The following UTRN variants were observed in gnomAD, a reference collection of about 807,000 sequenced individuals.
UTRN encodes the protein dystrophin-related protein 1.
UTRN carries 283 observed loss-of-function variants against 463.9 expected under a neutral mutation model. The observed-to-expected ratio is 0.61, with a 90% CI of 0.55 to 0.67. UTRN has a LOEUF of 0.67. Among genes scored for constraint, UTRN ranks in the 30% least tolerant of loss-of-function variants. The pLI, the probability that UTRN is intolerant of heterozygous loss-of-function variation, is 0.00. For synonymous variants in UTRN, 1,442 were observed against 1,431.5 expected (o/e 1.01, Z -0.17); for missense variants, 3,922 against 4,084.3 (o/e 0.96, Z 1.08).
Position 144,850,988 on chromosome 6 carries a change from G to A in UTRN, c.10294-1G>A, listed in dbSNP as rs1294731898. On this transcript the variant is annotated splice_acceptor_variant, in intron 74 of 74. Transcript: ENST00000367545. LOFTEE classifies it high-confidence loss of function. ...GACAGTGCTATTTTCCCTTCCCATA[G>A]GCAATGTGAAGTATTCATCCGGCCA... The A allele has an allele frequency of 6.2e-7, 1 of 1,613,498 alleles. No homozygotes were observed. Among genetic ancestry groups the A allele is most frequent in the Non-Finnish European group, 8.5e-7 (1 of 1,179,622 alleles).
rs1783062266 is a variant in UTRN at position 144,403,034 on chromosome 6, T to C, written c.80-89T>C. On this transcript the variant is annotated intron_variant, in intron 2 of 74. Coordinates refer to ENST00000367545, the MANE Select transcript of UTRN (RefSeq NM_007124.3). ...CTCGACTAATAGGACTATTTTAAAC[T>C]CTCCAGGATAGAGATAACCTTATTT... 5 of 1,209,312 alleles carry C rather than the reference T, an allele frequency of 4.1e-6. No individual in the cohort carries two copies. The Admixed American group carries it at 5.9e-5, about 14-fold the overall frequency. 74.9% of individuals were successfully genotyped at this position (1,209,312 alleles called of 1,614,324 possible).
At chr6:144,850,671 G>A (rs891799760) in intron 74 of UTRN, among the ~76,000 whole-genome samples, 11 of 152,074 alleles carry the variant, frequency 7.2e-5, no homozygotes, top group African/African-American at 2.2e-4. Flanking sequence ...AGGAAGACAT[G>A]GGATATTTTC....
At chr6:144,368,684 G>T (rs1239305401) in intron 2 of UTRN, among the ~76,000 whole-genome samples, 3 of 152,062 alleles carry the variant, frequency 2.0e-5, no homozygotes, top group Non-Finnish European at 4.4e-5. Flanking sequence ...TGAGGCAGGA[G>T]AGTCGCTTGA....
At chr6:144,410,291 C>T (rs1022463957) in intron 3 of UTRN, among the ~76,000 whole-genome samples, 5 of 152,192 alleles carry the variant, frequency 3.3e-5, no homozygotes, top group Non-Finnish European at 5.9e-5. Context: ...GAAGGACTGC[C>T]TTCTTCAAAC....
At chr6:144,594,041 A>G (rs1456103598) in intron 51 of UTRN, among the ~76,000 whole-genome samples, 1 of 152,238 alleles carries the variant, frequency 6.6e-6, no homozygotes, top group Non-Finnish European at 1.5e-5. Flanking sequence ...AGTGACAAAA[A>G]TGTTATACTT....
chr6:144,577,049 G>A (rs1440340809), intron 50 of UTRN, 50 bp from the exon 51 acceptor site: 2 of 1,567,698 alleles, frequency 1.3e-6, no homozygotes, highest in African/African-American at 1.4e-5. Context: ...GATGTGGAAT[G>A]TCACAACACT....
intron 2 of UTRN, among the ~76,000 whole-genome samples, chr6:144,357,651 C>T (rs1014156245): frequency 3.3e-5 from 5 of 152,208 alleles, no homozygotes; most frequent in African/African-American, 9.7e-5. Context: ...ATAAAAATCC[C>T]CCCACTTTAG....
At chr6:144,307,939 T>G (rs1194651256) in intron 2 of UTRN, among the ~76,000 whole-genome samples, 1 of 152,134 alleles carries the variant, frequency 6.6e-6, no homozygotes, top group East Asian at 1.9e-4. Context: ...GACATGTTTG[T>G]TGTGACTGCC....
chr6:144,413,882 C>A (rs1285795140), intron 3 of UTRN, among the ~76,000 whole-genome samples: 1 of 152,104 alleles, frequency 6.6e-6, no homozygotes, highest in Non-Finnish European at 1.5e-5. Flanking sequence ...TGGCTCACTG[C>A]AACCTCTACC....
At chr6:144,287,547 T>C (rs557949142) in intron 1 of UTRN, among the ~76,000 whole-genome samples, 2 of 152,340 alleles carry the variant, frequency 1.3e-5, no homozygotes, top group South Asian at 4.1e-4. Flanking sequence ...TGCACACTGT[T>C]GGATATATAT....
chr6:144,362,585 G>C (rs1474211673), intron 2 of UTRN, among the ~76,000 whole-genome samples: 3 of 152,176 alleles, frequency 2.0e-5, no homozygotes, highest in Non-Finnish European at 4.4e-5. Context: ...TTAATAACTG[G>C]ATGGGATATA....
At chr6:144,736,232 G>A (rs1228272448) in intron 54 of UTRN, among the ~76,000 whole-genome samples, 2 of 152,142 alleles carry the variant, frequency 1.3e-5, no homozygotes, top group Non-Finnish European at 2.9e-5. Context: ...GCAAGCATTT[G>A]AACATTAGTT....
intron 13 of UTRN, among the ~76,000 whole-genome samples, chr6:144,441,035 C>T (rs970548174): frequency 3.3e-5 from 5 of 152,190 alleles, no homozygotes; most frequent in Non-Finnish European, 5.9e-5. Flanking sequence ...GGGTTCCTCA[C>T]TTAAAATGTG....
intron 2 of UTRN, among the ~76,000 whole-genome samples, chr6:144,373,909 T>C (rs1584494375): frequency 6.6e-6 from 1 of 152,230 alleles, no homozygotes; most frequent in East Asian, 1.9e-4. Flanking sequence ...TTGCAGAATA[T>C]TTTCAAAGGT....
chr6:144,467,102 T>C (rs139859678), intron 23 of UTRN, among the ~76,000 whole-genome samples: 1,758 of 152,346 alleles, frequency 0.012, 20 homozygotes, highest in Non-Finnish European at 0.018. Flanking sequence ...TTTCTTGCCC[T>C]GAAGCCCTCC....
chr6:144,717,582 T>C (rs770087038), intron 53 of UTRN, among the ~76,000 whole-genome samples: 4 of 152,024 alleles, frequency 2.6e-5, no homozygotes, highest in Non-Finnish European at 4.4e-5. Flanking sequence ...TGGCTTTATC[T>C]TGGAGAATCA....
chr6:144,461,469 G>A, intron 22 of UTRN, 127 bp downstream of exon 22: 1 of 1,100,406 alleles, frequency 9.1e-7, no homozygotes, highest in Non-Finnish European at 1.2e-6. Context: ...GTGCAAAAAT[G>A]TGTTTATGAT....
At chr6:144,441,778 G>A (rs986180351) in intron 13 of UTRN, among the ~76,000 whole-genome samples, 9 of 152,156 alleles carry the variant, frequency 5.9e-5, no homozygotes, top group Non-Finnish European at 1.0e-4. Context: ...GGACATCCAC[G>A]TGTTTCCATA....
Position 144,428,858 on chromosome 6 carries a change from C to T in UTRN, c.659C>T (p.Thr220Ile). 3 of 1,609,858 alleles carry T rather than the reference C, an allele frequency of 1.9e-6. No individual in the cohort carries two copies. The highest frequency in any genetic ancestry group is 1.7e-4 in the Middle Eastern group (1 of 6,048). ...RLEHAFSKAQ[T>I]YLGIEKLLDP... ...GAACATGCCTTCAGCAAGGCTCAAA[C>T]TTATTTGGGAATTGAAAAGCTGTTA... The change falls in exon 8 of 75, where the codon ACT (threonine) becomes ATT (isoleucine). Residue 220 changes from threonine to isoleucine, a missense_variant. By Grantham distance (89) the Thr-to-Ile change is moderately conservative. Coordinates refer to ENST00000367545, the MANE Select transcript of UTRN (RefSeq NM_007124.3).
Sources: gnomAD v4.1 joint callset for allele counts (sites outside exome capture counted in the v4.1 genomes callset) on GRCh38, gnomAD v4.1.1 for gene constraint, MANE v1.5 for transcripts, NCBI Gene and HGNC (gene_info 2026-07-23, HGNC 2026-07-21) for gene names.